The following NCKAP5 variants were observed in gnomAD, a reference collection of about 807,000 sequenced individuals.
NCKAP5 encodes nck-associated protein 5.
In NCKAP5, 92 loss-of-function variants were observed where a neutral mutation model predicts 167.0. That is an observed-to-expected ratio of 0.55 (90% confidence interval 0.47 to 0.66). The LOEUF (loss-of-function observed/expected upper bound fraction) is 0.66, where lower values mean the gene tolerates loss of function less well. NCKAP5 is among the 30% of genes least tolerant of loss of function. NCKAP5 has a pLI of 0.00. For missense variants in NCKAP5, 2,378 were observed against 2,315.0 expected (o/e 1.03, Z -0.56); for synonymous variants, 891 against 877.4 (o/e 1.02, Z -0.27).
chr2:133,523,982 A>T (rs1427088680), intron 2 of NCKAP5, among the ~76,000 whole-genome samples: 2 of 152,160 alleles, frequency 1.3e-5, no homozygotes, highest in African/African-American at 2.4e-5. Flanking sequence ...TATAGGCTGC[A>T]GGGATCAGAG....
intron 16 of NCKAP5, among the ~76,000 whole-genome samples, chr2:132,759,700 C>G (rs1680839096): frequency 6.6e-6 from 1 of 151,162 alleles, no homozygotes; most frequent in South Asian, 2.1e-4. Context: ...TGTCCTTTTA[C>G]TTTCAATTTT....
At chr2:133,008,707 G>T (rs1405376495) in intron 6 of NCKAP5, among the ~76,000 whole-genome samples, 1 of 152,148 alleles carries the variant, frequency 6.6e-6, no homozygotes, top group Non-Finnish European at 1.5e-5. Flanking sequence ...ATGAAAGTCT[G>T]TCTAGATATT....
At chr2:133,426,440 CAAAAAAA>C (rs77474242) in intron 3 of NCKAP5, among the ~76,000 whole-genome samples, 1 of 73,052 alleles carries the variant, frequency 1.4e-5, no homozygotes, top group Non-Finnish European at 3.2e-5. Context: ...TAAAGTCTTC[CAAAAAAA>C]AAAAAAAAAA....
chr2:133,104,611 G>A (rs2081622431), intron 6 of NCKAP5, among the ~76,000 whole-genome samples: 1 of 152,210 alleles, frequency 6.6e-6, no homozygotes, highest in Non-Finnish European at 1.5e-5. Flanking sequence ...TTCAGGGCAT[G>A]AGCCCATGAT....
chr2:133,499,277 T>C (rs1682258974), intron 3 of NCKAP5, among the ~76,000 whole-genome samples: 1 of 152,234 alleles, frequency 6.6e-6, no homozygotes, highest in Non-Finnish European at 1.5e-5. Flanking sequence ...TTTTATTATG[T>C]GGACATGAGA....
intron 8 of NCKAP5, among the ~76,000 whole-genome samples, chr2:132,940,114 C>T (rs1226867883): frequency 6.6e-6 from 1 of 152,192 alleles, no homozygotes; most frequent in Non-Finnish European, 1.5e-5. Context: ...TAGCTTAGCT[C>T]CCACTTACAA....
At chr2:133,321,424 T>C (rs569003515) in intron 3 of NCKAP5, among the ~76,000 whole-genome samples, 2 of 152,332 alleles carry the variant, frequency 1.3e-5, no homozygotes, top group East Asian at 3.9e-4. Flanking sequence ...TGAACATTCA[T>C]GTTGTCTTTA....
chr2:133,064,804 T>C, intron 6 of NCKAP5, among the ~76,000 whole-genome samples: 1 of 152,212 alleles, frequency 6.6e-6, no homozygotes, highest in East Asian at 1.9e-4. Context: ...CTAATCTCTC[T>C]CTCTGAGCAT....
At chr2:132,713,804 G>A (rs959428781) in intron 19 of NCKAP5, among the ~76,000 whole-genome samples, 10 of 152,258 alleles carry the variant, frequency 6.6e-5, no homozygotes, top group Middle Eastern at 3.4e-3. Context: ...TTCATAAATA[G>A]AGAAGCAAGC....
intron 3 of NCKAP5, among the ~76,000 whole-genome samples, chr2:133,384,654 C>T (rs551203938): frequency 5.9e-5 from 9 of 152,272 alleles, no homozygotes; most frequent in African/African-American, 1.4e-4. Flanking sequence ...GGCAATATGG[C>T]CATTTTCACA....
At position 133,109,060 on chromosome 2, in the gene NCKAP5, G is replaced by A. The variant is rs892922847; in HGVS notation, c.341+20918C>T. 3.9e-5 allele frequency among the ~76,000 whole-genome samples: 6 copies of A among 152,028 alleles called. No individual in the cohort carries two copies. The East Asian group carries it at 1.2e-3, about 29-fold the overall frequency. ...GTTAAGGACTAACCATTCCCTCTCG[G>A]GCTAATTTGTAAAAGAAGCAATTCC... On this transcript the variant is annotated intron_variant, in intron 6 of 19. Coordinates refer to ENST00000409261, the MANE Select transcript of NCKAP5 (RefSeq NM_207363.3).
rs190759391 is a variant in NCKAP5, at chr2:133,065,428, C to A, written c.341+64550G>T. Reference sequence around the variant, plus strand: ...GATCACAAGGTCAACAGATCAAGACCATCCTGGCCAACATGGTGAAACCCC... The same window carrying A: ...GATCACAAGGTCAACAGATCAAGACAATCCTGGCCAACATGGTGAAACCCC... On this transcript the variant is annotated intron_variant, in intron 6 of 19. Coordinates refer to ENST00000409261, the MANE Select transcript of NCKAP5 (RefSeq NM_207363.3). Among the ~76,000 whole-genome samples the A allele has an allele frequency of 6.6e-3, 1,011 of 152,138 alleles. 14 individuals are homozygous for A. The highest frequency in any genetic ancestry group is 0.024 in the African/African-American group (984 of 41,502).
intron 12 of NCKAP5, among the ~76,000 whole-genome samples, chr2:132,795,630 C>A (rs766691566): frequency 4.0e-5 from 6 of 151,750 alleles, no homozygotes; most frequent in Non-Finnish European, 8.8e-5. Context: ...ACCAGCCTGA[C>A]TAACATGGTG....
chr2:132,988,052 G>T (rs1330558875), intron 7 of NCKAP5, among the ~76,000 whole-genome samples: 1 of 152,192 alleles, frequency 6.6e-6, no homozygotes, highest in Non-Finnish European at 1.5e-5. Context: ...CAGATAAGTG[G>T]TCTATGCTAT....
chr2:133,060,953 G>A (rs568145188), intron 6 of NCKAP5, among the ~76,000 whole-genome samples: 1 of 151,810 alleles, frequency 6.6e-6, no homozygotes, highest in Non-Finnish European at 1.5e-5. Context: ...CTATGGGGAC[G>A]GCCTGCATTC....
intron 19 of NCKAP5, among the ~76,000 whole-genome samples, chr2:132,687,798 T>G (rs1345974805): frequency 1.3e-5 from 2 of 150,266 alleles, no homozygotes; most frequent in Non-Finnish European, 3.0e-5. Context: ...AGAAATTTCA[T>G]TTTAAGCAAG....
At chr2:133,527,262 CTA>C (rs1402832977) in intron 2 of NCKAP5, 1 of 152,128 alleles carries the variant, frequency 6.6e-6, no homozygotes, top group Non-Finnish European at 1.5e-5. Context: ...AAAGGTTTAA[CTA>C]TGATGTCCCC....
chr2:133,561,232 T>C (rs1422307233), intron 1 of NCKAP5, among the ~76,000 whole-genome samples: 1 of 152,190 alleles, frequency 6.6e-6, no homozygotes, highest in African/African-American at 2.4e-5. Flanking sequence ...AAATTTTACT[T>C]AGTTTAACAA....
chr2:132,725,584 A>T (rs1690370914), intron 19 of NCKAP5, 43 bp downstream of exon 19: 1 of 1,576,760 alleles, frequency 6.3e-7, no homozygotes. Context: ...GCGGCTTCCC[A>T]GAGAGAGGAA....
Sources: allele counts gnomAD v4.1 joint callset (sites outside exome capture counted in the v4.1 genomes callset), GRCh38; gene constraint gnomAD v4.1.1; transcripts MANE v1.5; gene names NCBI Gene and HGNC (gene_info 2026-07-23, HGNC 2026-07-21).